The following NRG3 variants were observed in gnomAD, a reference collection of about 807,000 sequenced individuals.
NRG3 encodes the protein neuregulin 3.
Under a neutral mutation model 66.9 loss-of-function variants are expected in NRG3, and 31 were observed. The ratio of observed to expected loss-of-function variants is 0.46; its 90% CI spans 0.35 to 0.63. NRG3 has a LOEUF of 0.63. Ranked by LOEUF, NRG3 falls within the 20% of genes least tolerant of loss-of-function variation. NRG3 has a pLI of 0.00. For missense variants in NRG3, 910 were observed against 878.9 expected (o/e 1.04, Z -0.45); for synonymous variants, 393 against 359.4 (o/e 1.09, Z -1.06).
At chr10:82,263,860 T>A (rs1381093973) in intron 1 of NRG3, among the ~76,000 whole-genome samples, 1 of 152,232 alleles carries the variant, frequency 6.6e-6, no homozygotes, top group Admixed American at 6.5e-5. Flanking sequence ...ATGTTGTTGC[T>A]TTTAAAGTGA....
chr10:82,763,454 G>T (rs141375335), intron 3 of NRG3, among the ~76,000 whole-genome samples: 1,562 of 152,016 alleles, frequency 0.01, 12 homozygotes, highest in Admixed American at 0.014. Flanking sequence ...GAATTATAGA[G>T]GAATTCCTCT....
At chr10:81,971,600 A>G (rs1308085982) in intron 1 of NRG3, among the ~76,000 whole-genome samples, 1 of 152,248 alleles carries the variant, frequency 6.6e-6, no homozygotes, top group Admixed American at 6.5e-5. Context: ...AAGATACTGA[A>G]CATCAGACAG....
At chr10:82,981,082 C>T (rs1389710464) in intron 8 of NRG3, among the ~76,000 whole-genome samples, 1 of 152,068 alleles carries the variant, frequency 6.6e-6, no homozygotes, top group African/African-American at 2.4e-5. Context: ...ACTGTTATGA[C>T]CATCTTTCCA....
intron 1 of NRG3, among the ~76,000 whole-genome samples, chr10:82,068,588 A>C (rs887663481): frequency 7.2e-5 from 11 of 152,196 alleles, no homozygotes; most frequent in African/African-American, 2.7e-4. Context: ...AAGAACACAT[A>C]AATAGGGGTT....
intron 2 of NRG3, among the ~76,000 whole-genome samples, chr10:82,468,465 G>C (rs1174983091): frequency 2.6e-5 from 4 of 152,158 alleles, no homozygotes; most frequent in Non-Finnish European, 5.9e-5. Context: ...ATGTGACCCA[G>C]ATCTGTTTTA....
intron 1 of NRG3, among the ~76,000 whole-genome samples, chr10:82,085,340 G>C (rs2065654357): frequency 6.6e-6 from 1 of 152,146 alleles, no homozygotes; most frequent in Non-Finnish European, 1.5e-5. Context: ...TGACCATATA[G>C]GATAAGCAGG....
intron 1 of NRG3, among the ~76,000 whole-genome samples, chr10:82,266,878 T>A (rs2078326831): frequency 6.6e-6 from 1 of 152,208 alleles, no homozygotes. Context: ...TGTATTCCCT[T>A]AGCCCAGAAT....
At chr10:82,431,268 A>G (rs1003080992) in intron 2 of NRG3, among the ~76,000 whole-genome samples, 2 of 152,158 alleles carry the variant, frequency 1.3e-5, no homozygotes, top group African/African-American at 2.4e-5. Context: ...TAACAGTTCT[A>G]TAATGATGAA....
At chr10:81,938,768 T>C (rs913616017) in intron 1 of NRG3, among the ~76,000 whole-genome samples, 3 of 152,078 alleles carry the variant, frequency 2.0e-5, no homozygotes, top group Non-Finnish European at 4.4e-5. Flanking sequence ...CTTGTCTAAT[T>C]GCTCTGGTTA....
At chr10:82,560,342 C>A (rs1165737988) in intron 2 of NRG3, among the ~76,000 whole-genome samples, 1 of 151,282 alleles carries the variant, frequency 6.6e-6, no homozygotes, top group African/African-American at 2.4e-5. Flanking sequence ...TACTTAAGTT[C>A]AGGCTATGTT....
intron 2 of NRG3, among the ~76,000 whole-genome samples, chr10:82,701,553 A>G (rs1349285442): frequency 6.6e-6 from 1 of 152,158 alleles, no homozygotes; most frequent in African/African-American, 2.4e-5. Context: ...ACCAGCTGTA[A>G]GCACCATTCA....
At chr10:82,563,533 A>T (rs921967080) in intron 2 of NRG3, among the ~76,000 whole-genome samples, 1 of 151,720 alleles carries the variant, frequency 6.6e-6, no homozygotes, top group Non-Finnish European at 1.5e-5. Context: ...ATTTATGTAT[A>T]TTTTCAGAAA....
chr10:82,494,081 A>G (rs994909141), intron 2 of NRG3, among the ~76,000 whole-genome samples: 1 of 152,206 alleles, frequency 6.6e-6, no homozygotes, highest in Non-Finnish European at 1.5e-5. Flanking sequence ...TTAAAAACTC[A>G]AGGTACAACA....
intron 2 of NRG3, among the ~76,000 whole-genome samples, chr10:82,601,621 T>A (rs771192): frequency 0.015 from 2,329 of 151,380 alleles, 60 homozygotes; most frequent in African/African-American, 0.053. Flanking sequence ...GACATTTGGA[T>A]GTATCTGTTG....
intron 1 of NRG3, among the ~76,000 whole-genome samples, chr10:82,301,941 A>T (rs531242511): frequency 6.6e-6 from 1 of 151,956 alleles, no homozygotes; most frequent in African/African-American, 2.4e-5. Flanking sequence ...TAACAATCTT[A>T]GTTAATAGAC....
At chr10:82,298,680 T>A (rs1589637176) in intron 1 of NRG3, among the ~76,000 whole-genome samples, 1 of 152,170 alleles carries the variant, frequency 6.6e-6, no homozygotes, top group South Asian at 2.1e-4. Flanking sequence ...GTGCTCAGTG[T>A]CCTTCCAACT....
At chr10:82,405,367 G>A (rs2087429328) in intron 2 of NRG3, among the ~76,000 whole-genome samples, 1 of 151,952 alleles carries the variant, frequency 6.6e-6, no homozygotes, top group Non-Finnish European at 1.5e-5. Flanking sequence ...AGTGAGTGAA[G>A]GGTAGAGTAG....
intron 2 of NRG3, among the ~76,000 whole-genome samples, chr10:82,622,961 A>G (rs1001598487): frequency 3.3e-5 from 5 of 151,598 alleles, no homozygotes; most frequent in Non-Finnish European, 7.4e-5. Context: ...GCTATTTTCA[A>G]TTTTGGATGG....
chr10:82,479,655 ACT>A (rs1590278861), intron 2 of NRG3, among the ~76,000 whole-genome samples: 1 of 114,668 alleles, frequency 8.7e-6, no homozygotes, highest in East Asian at 2.6e-4. Flanking sequence ...CAAGAGCAAA[ACT>A]CTGTCTCAAA....
Sources: allele counts gnomAD v4.1 joint callset (sites outside exome capture counted in the v4.1 genomes callset), GRCh38; gene constraint gnomAD v4.1.1; transcripts MANE v1.5; gene names NCBI Gene and HGNC (gene_info 2026-07-23, HGNC 2026-07-21).